CFAP20DC: variants seen among roughly 807,000 people sequenced by gnomAD.
CFAP20DC encodes protein CFAP20DC.
A neutral mutation model predicts 101.7 loss-of-function variants in CFAP20DC; 84 were observed. The ratio of observed to expected loss-of-function variants is 0.83; its 90% CI spans 0.69 to 0.99. The LOEUF (loss-of-function observed/expected upper bound fraction) is 0.99, where lower values mean the gene tolerates loss of function less well. CFAP20DC is among the 50% of genes least tolerant of loss of function. The pLI, the probability that CFAP20DC is intolerant of heterozygous loss-of-function variation, is 0.00. For missense variants in CFAP20DC, 1,007 were observed against 970.3 expected (o/e 1.04, Z -0.50); for synonymous variants, 359 against 351.2 (o/e 1.02, Z -0.25).
At position 58,790,124 on chromosome 3, in the gene CFAP20DC, G is replaced by C. The variant is rs143400286; in HGVS notation, c.2237+16271C>G. ...GGCTCAATGAATGATCCCACAGTGA[G>C]CCATAATCCCCACCTGGGTCAAGAG... On this transcript the variant is annotated intron_variant, in intron 15 of 16. Coordinates refer to ENST00000482387, the MANE Select transcript of CFAP20DC (RefSeq NM_001394063.1). Among the ~76,000 whole-genome samples, 74 of 152,242 alleles carry C rather than the reference G, an allele frequency of 4.9e-4. 1 individual carries two copies. The East Asian group carries it at 0.014, about 28-fold the overall frequency.
At position 58,785,932 on chromosome 3, in the gene CFAP20DC, G is replaced by A. The variant is rs115035705; in HGVS notation, c.2237+20463C>T. Among the ~76,000 whole-genome samples the A allele has an allele frequency of 2.2e-3, 333 of 152,172 alleles. 4 individuals carry two copies. The highest frequency in any genetic ancestry group is 7.7e-3 in the African/African-American group (318 of 41,518). The stretch of plus-strand genomic sequence containing the variant: ...TCTGCAAGGAAACCTCACTCCATTG[G>A]TTTCCTCCCATATATTTACCTTCTC... On this transcript the variant is annotated intron_variant, in intron 15 of 16. Coordinates refer to ENST00000482387, the MANE Select transcript of CFAP20DC (RefSeq NM_001394063.1).
At chr3:58,848,984 C>A (rs1268293641) in intron 13 of CFAP20DC, 48 bp downstream of exon 13, 2 of 1,514,874 alleles carry the variant, frequency 1.3e-6, no homozygotes, top group Non-Finnish European at 1.8e-6. Context: ...GAACGGAACA[C>A]AGCAGGATGT....
intron 4 of CFAP20DC, among the ~76,000 whole-genome samples, chr3:58,950,507 A>G (rs1241102257): frequency 6.6e-6 from 1 of 152,212 alleles, no homozygotes; most frequent in Non-Finnish European, 1.5e-5. Flanking sequence ...CTGACTTCAA[A>G]CTACACTACA....
Position 58,753,832 on chromosome 3 carries a change from C to T in CFAP20DC, c.2269G>A (p.Val757Ile), listed in dbSNP as rs200231858. The change falls in exon 16 of 17, where the codon GTT (valine) becomes ATT (isoleucine). Residue 757 changes from valine (V) to isoleucine (I), a missense_variant. Coordinates refer to ENST00000482387, the MANE Select transcript of CFAP20DC (RefSeq NM_001394063.1). ...TCAGCCGGCTGTTGACTGGGAGGAA[C>T]GATTGGTGGGCTCAACATATTTAAC... ...DWLNMLSPPI[V>I]PPSQQPAEQR... 7.4e-6 allele frequency: 12 copies of T among 1,612,356 alleles called. No homozygotes were observed. The highest frequency in any genetic ancestry group is 5.3e-5 in the African/African-American group (4 of 74,822).
At chr3:58,819,472 C>T (rs2075451500) in intron 14 of CFAP20DC, among the ~76,000 whole-genome samples, 1 of 149,622 alleles carries the variant, frequency 6.7e-6, no homozygotes, top group Non-Finnish European at 1.5e-5. Context: ...CACCACCGAT[C>T]CCACAGAAAT....
At chr3:58,959,160 T>C (rs1368357262) in intron 4 of CFAP20DC, among the ~76,000 whole-genome samples, 1 of 152,196 alleles carries the variant, frequency 6.6e-6, no homozygotes, top group African/African-American at 2.4e-5. Context: ...AATGGTGCCA[T>C]CTCCGCTCAC....
At chr3:58,944,889 T>C (rs764832490) in intron 4 of CFAP20DC, among the ~76,000 whole-genome samples, 3 of 152,032 alleles carry the variant, frequency 2.0e-5, no homozygotes, top group Non-Finnish European at 2.9e-5. Flanking sequence ...TGTTAATTCG[T>C]GTAAAGAAAA....
intron 4 of CFAP20DC, among the ~76,000 whole-genome samples, chr3:58,956,064 T>G (rs2090596476): frequency 6.6e-6 from 1 of 151,478 alleles, no homozygotes; most frequent in African/African-American, 2.4e-5. Context: ...ACTGAGGGCC[T>G]AAGACTTGCT....
chr3:58,924,644 A>T (rs541800122), intron 5 of CFAP20DC, among the ~76,000 whole-genome samples: 1 of 152,318 alleles, frequency 6.6e-6, no homozygotes, highest in Non-Finnish European at 1.5e-5. Context: ...TCTTTGAGAA[A>T]TGTCCACAGT....
At position 58,717,581 on chromosome 3, in the gene CFAP20DC, T is replaced by A; in HGVS notation, c.*7A>T. Reference sequence around the variant, plus strand: ...GTCCTGATATCTTTAGAGTGTGAGTTTTGCCTTCACAGTTGCAAAATGGCT... The same window carrying A: ...GTCCTGATATCTTTAGAGTGTGAGTATTGCCTTCACAGTTGCAAAATGGCT... On this transcript the variant is annotated 3_prime_UTR_variant, in exon 4 of 4. Coordinates refer to the CFAP20DC transcript ENST00000486145. The surrounding 1 kb of genome is among the most constrained non-coding windows in gnomAD (Gnocchi z 4.1). 1 of 454,068 alleles carries A rather than the reference T, an allele frequency of 2.2e-6. No homozygotes were observed. The highest frequency in any genetic ancestry group is 4.4e-6 in the Non-Finnish European group (1 of 226,354). The allele number at this position is 454,068 out of a possible 1,614,324, so 28.1% of individuals were successfully genotyped here.
chr3:58,817,789 A>G (rs2075308893), intron 14 of CFAP20DC, among the ~76,000 whole-genome samples: 1 of 152,148 alleles, frequency 6.6e-6, no homozygotes, highest in African/African-American at 2.4e-5. Flanking sequence ...AATACAGAGA[A>G]TGCCACAAAG....
intron 13 of CFAP20DC, among the ~76,000 whole-genome samples, chr3:58,843,274 A>C (rs1296736060): frequency 6.6e-6 from 1 of 151,956 alleles, no homozygotes; most frequent in Non-Finnish European, 1.5e-5. Context: ...AAAAAAATTT[A>C]GAAGAATGTA....
chr3:59,026,708 C>T (rs753975603), intron 4 of CFAP20DC, among the ~76,000 whole-genome samples: 1 of 152,114 alleles, frequency 6.6e-6, no homozygotes, highest in Non-Finnish European at 1.5e-5. Flanking sequence ...TTCAAAGGAG[C>T]CTACTGTCTC....
At chr3:58,958,148 A>T (rs926931519) in intron 4 of CFAP20DC, among the ~76,000 whole-genome samples, 1 of 152,094 alleles carries the variant, frequency 6.6e-6, no homozygotes, top group Non-Finnish European at 1.5e-5. Context: ...AAATTTTTTA[A>T]AAATTATTTT....
chr3:58,940,732 T>G (rs2088433293), intron 4 of CFAP20DC, among the ~76,000 whole-genome samples: 1 of 152,214 alleles, frequency 6.6e-6, no homozygotes, highest in South Asian at 2.1e-4. Flanking sequence ...ACTCTTCAAC[T>G]TTAGTTTTGT....
At chr3:58,980,931 T>C (rs1243297672) in intron 4 of CFAP20DC, among the ~76,000 whole-genome samples, 3 of 152,228 alleles carry the variant, frequency 2.0e-5, no homozygotes, top group Non-Finnish European at 4.4e-5. Context: ...TGTTTGCAGA[T>C]GACATGATTG....
At chr3:58,931,606 C>T (rs1001661743) in intron 5 of CFAP20DC, among the ~76,000 whole-genome samples, 4 of 152,178 alleles carry the variant, frequency 2.6e-5, no homozygotes, top group East Asian at 1.9e-4. Flanking sequence ...CAGCAGCATT[C>T]GCGGTTCATG....
chr3:58,954,150 T>C (rs1232627499), intron 4 of CFAP20DC, among the ~76,000 whole-genome samples: 1 of 152,216 alleles, frequency 6.6e-6, no homozygotes, highest in African/African-American at 2.4e-5. Context: ...AATTCAATTT[T>C]CAATTTGCTT....
intron 3 of CFAP20DC, among the ~76,000 whole-genome samples, chr3:59,043,807 T>C (rs939034590): frequency 2.6e-5 from 4 of 152,306 alleles, no homozygotes; most frequent in Admixed American, 6.5e-5. Context: ...ATTTAGCTGG[T>C]GAAGAGTTTA....
Sources: allele counts gnomAD v4.1 joint callset (sites outside exome capture counted in the v4.1 genomes callset), GRCh38; gene constraint gnomAD v4.1.1; non-coding constraint Gnocchi (gnomAD v3.1); transcripts MANE v1.5; gene names NCBI Gene and HGNC (gene_info 2026-07-23, HGNC 2026-07-21).